The following PTPRT variants were observed in gnomAD, a reference collection of about 807,000 sequenced individuals.
PTPRT encodes the protein protein tyrosine phosphatase receptor type T, also known as receptor-type tyrosine-protein phosphatase T.
PTPRT carries 56 observed loss-of-function variants against 176.8 expected under a neutral mutation model. That is an observed-to-expected ratio of 0.32 (90% CI 0.26 to 0.40). The LOEUF (loss-of-function observed/expected upper bound fraction) is 0.40, where lower values mean the gene tolerates loss of function less well. Among genes scored for constraint, PTPRT ranks in the 10% least tolerant of loss-of-function variants. The probability of loss-of-function intolerance (pLI) is 1.00; values close to 1 mark genes in which losing one functional copy is unlikely to be tolerated. For missense variants in PTPRT, 1,540 were observed against 1,908.2 expected, an observed-to-expected ratio of 0.81 and a Z score of 3.60; for synonymous variants, 783 against 739.0, an observed-to-expected ratio of 1.06 and a Z score of -0.96.
At chr20:42,948,141 C>T (rs1015306507) in intron 1 of PTPRT, among the ~76,000 whole-genome samples, 9 of 152,188 alleles carry the variant, frequency 5.9e-5, no homozygotes, top group Non-Finnish European at 7.3e-5. Flanking sequence ...GGACTCCGTC[C>T]ATCTCAGCCT....
intron 6 of PTPRT, among the ~76,000 whole-genome samples, chr20:42,715,563 A>T (rs528683801): frequency 6.6e-6 from 1 of 152,316 alleles, no homozygotes; most frequent in African/African-American, 2.4e-5. Flanking sequence ...CAGAAGAAAG[A>T]GTCCTTGAAT....
Position 42,817,419 on chromosome 20 carries a change from T to C in PTPRT, c.215-25953A>G, listed in dbSNP as rs1191731819. On this transcript the variant is annotated intron_variant, in intron 2 of 30. Coordinates refer to ENST00000373187, the MANE Select transcript of PTPRT (RefSeq NM_007050.6). The stretch of plus-strand genomic sequence containing the variant: ...TTGAAAATGAAATTAAACATAAAAC[T>C]ATAGAACAATCTCACCTATCAATGT... Among the ~76,000 whole-genome samples the C allele has an allele frequency of 4.7e-5, 7 of 149,428 alleles. No homozygotes were observed. In the South Asian group the frequency reaches 1.5e-3, roughly 32 times the overall value.
chr20:42,978,106 T>A (rs902720847), intron 1 of PTPRT, among the ~76,000 whole-genome samples: 1 of 152,116 alleles, frequency 6.6e-6, no homozygotes, highest in Non-Finnish European at 1.5e-5. Flanking sequence ...GGATGCCTGG[T>A]GCATTGGATA....
At chr20:42,510,817 A>T (rs987796632) in intron 7 of PTPRT, among the ~76,000 whole-genome samples, 2 of 152,214 alleles carry the variant, frequency 1.3e-5, no homozygotes, top group African/African-American at 4.8e-5. Context: ...ATAAAAATTT[A>T]AAATGTAAAA....
intron 11 of PTPRT, among the ~76,000 whole-genome samples, chr20:42,330,311 A>C (rs1298512010): frequency 6.6e-6 from 1 of 151,968 alleles, no homozygotes; most frequent in Admixed American, 6.6e-5. Flanking sequence ...TCTCCATTAA[A>C]AATACAAAAA....
At chr20:42,771,193 A>G (rs1200432093) in intron 5 of PTPRT, among the ~76,000 whole-genome samples, 1 of 152,142 alleles carries the variant, frequency 6.6e-6, no homozygotes, top group Non-Finnish European at 1.5e-5. Flanking sequence ...TGACCCCAGG[A>G]AACTCCTCAC....
chr20:42,399,987 C>A (rs2058889762), intron 9 of PTPRT, among the ~76,000 whole-genome samples: 1 of 152,142 alleles, frequency 6.6e-6, no homozygotes, highest in Non-Finnish European at 1.5e-5. Context: ...ACAGTTGAGT[C>A]CAGATGTTCA....
intron 2 of PTPRT, among the ~76,000 whole-genome samples, chr20:42,870,959 T>C (rs1273469744): frequency 3.3e-5 from 5 of 151,796 alleles, no homozygotes; most frequent in Admixed American, 1.3e-4. Flanking sequence ...CTTTTCTTTT[T>C]TTTTTTTTTG....
intron 10 of PTPRT, among the ~76,000 whole-genome samples, chr20:42,351,651 C>T (rs2058285910): frequency 6.6e-6 from 1 of 151,806 alleles, no homozygotes; most frequent in African/African-American, 2.4e-5. Context: ...TGATGGCAGT[C>T]TGTAATTTTG....
chr20:42,761,206 AGGTGGACCACCT>A lies in PTPRT; in HGVS notation c.685-4582_685-4571del, dbSNP rs1042572817. On this transcript the variant is annotated intron_variant, in intron 5 of 30. Coordinates refer to ENST00000373187, the MANE Select transcript of PTPRT (RefSeq NM_007050.6). ...TCCCAGCACTTTGGGAGGCCCAGGC[AGGTGGACCACCT>A]GAGGTAGGGAGTTCAAGACCAGCCT... Among the ~76,000 whole-genome samples the A allele has an allele frequency of 2.0e-5, 3 of 152,260 alleles. No individual in the cohort carries two copies. In the East Asian group the frequency reaches 5.8e-4, roughly 29 times the overall value.
intron 5 of PTPRT, among the ~76,000 whole-genome samples, chr20:42,759,382 T>C (rs1003143636): frequency 6.6e-6 from 1 of 152,200 alleles, no homozygotes; most frequent in African/African-American, 2.4e-5. Context: ...AAGAGGAAAC[T>C]GGGCTGGGCG....
chr20:43,167,067 C>T (rs1348078628), intron 1 of PTPRT, among the ~76,000 whole-genome samples: 2 of 152,132 alleles, frequency 1.3e-5, no homozygotes, highest in Non-Finnish European at 2.9e-5. Flanking sequence ...GCTAACCATG[C>T]CCCAGCAGAG....
intron 27 of PTPRT, among the ~76,000 whole-genome samples, chr20:42,086,881 C>T (rs1984019139): frequency 6.7e-6 from 1 of 149,676 alleles, no homozygotes; most frequent in South Asian, 2.1e-4. Flanking sequence ...GCTTACTTTG[C>T]ACCAAAAGTT....
intron 1 of PTPRT, among the ~76,000 whole-genome samples, chr20:42,985,651 T>C (rs774893131): frequency 1.3e-4 from 20 of 152,082 alleles, no homozygotes; most frequent in Admixed American, 3.9e-4. Flanking sequence ...ATACAGACTT[T>C]TTAAAATTAT....
At chr20:42,260,035 G>A (rs1273171744) in intron 13 of PTPRT, among the ~76,000 whole-genome samples, 1 of 152,220 alleles carries the variant, frequency 6.6e-6, no homozygotes, top group Non-Finnish European at 1.5e-5. Context: ...AAGGTAATTA[G>A]ACAACACTAC....
chr20:42,758,826 A>C (rs1296213585), intron 5 of PTPRT, among the ~76,000 whole-genome samples: 1 of 152,204 alleles, frequency 6.6e-6, no homozygotes, highest in East Asian at 1.9e-4. Context: ...TGAGCTGGAA[A>C]GTTTCCATTC....
rs542318675 is a variant in PTPRT, at chr20:42,632,735, A to T, written c.1153+45131T>A. ...ATATCTTTTACTATATTAAACTGGA[A>T]CATGAGTATAGCAGCTTTCCTGAGT... On this transcript the variant is annotated intron_variant, in intron 7 of 30. Coordinates refer to ENST00000373187, the MANE Select transcript of PTPRT (RefSeq NM_007050.6). Among the ~76,000 whole-genome samples, 52 of 151,474 alleles carry T rather than the reference A, an allele frequency of 3.4e-4. 1 individual carries two copies. The South Asian group carries it at 0.011, about 32-fold the overall frequency.
At chr20:42,611,958 G>C (rs903286998) in intron 7 of PTPRT, among the ~76,000 whole-genome samples, 2 of 152,006 alleles carry the variant, frequency 1.3e-5, no homozygotes, top group Non-Finnish European at 1.5e-5. Context: ...TCTCCCTTTG[G>C]TTCAAAAAAT....
chr20:43,123,165 C>A (rs1048661856), intron 1 of PTPRT, among the ~76,000 whole-genome samples: 5 of 152,154 alleles, frequency 3.3e-5, no homozygotes, highest in Non-Finnish European at 7.4e-5. Context: ...CCTGGTATTT[C>A]TTTATGGCAG....
Sources: gnomAD v4.1 joint callset for allele counts (sites outside exome capture counted in the v4.1 genomes callset) on GRCh38, gnomAD v4.1.1 for gene constraint, MANE v1.5 for transcripts, NCBI Gene and HGNC (gene_info 2026-07-23, HGNC 2026-07-21) for gene names.